Variants in STAM2 observed in about 807,000 individuals in gnomAD.
STAM2 encodes the protein signal transducing adapter molecule 2.
In STAM2, 51 loss-of-function variants were observed where a neutral mutation model predicts 65.6. The ratio of observed to expected loss-of-function variants is 0.78; its 90% CI spans 0.62 to 0.98. The LOEUF (loss-of-function observed/expected upper bound fraction) is 0.98. Ranked by LOEUF, STAM2 falls within the 50% of genes least tolerant of loss-of-function variation. The pLI, the probability that STAM2 is intolerant of heterozygous loss-of-function variation, is 0.00. For missense variants in STAM2, 584 were observed against 617.8 expected, an observed-to-expected ratio of 0.95 and a Z score of 0.58; for synonymous variants, 198 against 208.4, an observed-to-expected ratio of 0.95 and a Z score of 0.43.
chr2:152,150,890 G>C (rs1054728109), intron 1 of STAM2, among the ~76,000 whole-genome samples: 3 of 152,068 alleles, frequency 2.0e-5, no homozygotes, highest in African/African-American at 7.2e-5. Flanking sequence ...TTTTTTAATA[G>C]ATAAGGGGTC....
chr2:152,140,905 C>T (rs35155943), intron 7 of STAM2, among the ~76,000 whole-genome samples: 29,765 of 149,174 alleles, frequency 0.2, 3,319 homozygotes, highest in Admixed American at 0.3. Context: ...GAGGCTGAGG[C>T]GGGTGGATCA....
intron 1 of STAM2, among the ~76,000 whole-genome samples, chr2:152,152,422 G>A (rs78179867): frequency 0.37 from 56,106 of 151,740 alleles, 12,597 homozygotes; most frequent in Non-Finnish European, 0.51. Flanking sequence ...GGTGGCAGGC[G>A]CCTGTAGTCC....
chr2:152,159,110 T>TATAC (rs575009275), intron 1 of STAM2, among the ~76,000 whole-genome samples: 3 of 129,184 alleles, frequency 2.3e-5, no homozygotes, highest in East Asian at 3.1e-4. Flanking sequence ...TATATATATA[T>TATAC]ACACACACAG....
At chr2:152,161,054 A>G (rs535387129) in intron 1 of STAM2, among the ~76,000 whole-genome samples, 1 of 152,260 alleles carries the variant, frequency 6.6e-6, no homozygotes, top group South Asian at 2.1e-4. Context: ...GTGGAATAGA[A>G]GGGGGGGAAA....
chr2:152,135,400 G>T, intron 8 of STAM2, 109 bp downstream of exon 8: 1 of 771,296 alleles, frequency 1.3e-6, no homozygotes. Flanking sequence ...ATAAAGAAAT[G>T]ATTTAAAACA....
chr2:152,158,419 T>C (rs868327212), intron 1 of STAM2, among the ~76,000 whole-genome samples: 1 of 151,924 alleles, frequency 6.6e-6, no homozygotes, highest in Non-Finnish European at 1.5e-5. Context: ...GAGGTTGCAG[T>C]GAGCCAAGAT....
intron 12 of STAM2, among the ~76,000 whole-genome samples, chr2:152,124,939 A>G (rs1196170738): frequency 1.3e-5 from 2 of 152,238 alleles, no homozygotes; most frequent in East Asian, 1.9e-4. Flanking sequence ...AAACTTTTGA[A>G]TATTTCAAAT....
intron 1 of STAM2, among the ~76,000 whole-genome samples, chr2:152,165,080 G>T (rs538598991): frequency 7.2e-5 from 11 of 152,166 alleles, no homozygotes; most frequent in Admixed American, 6.5e-4. Context: ...CATTGTAATA[G>T]GCCTATTAGG....
intron 1 of STAM2, among the ~76,000 whole-genome samples, chr2:152,171,854 A>G (rs1689903858): frequency 6.6e-6 from 1 of 152,264 alleles, no homozygotes; most frequent in African/African-American, 2.4e-5. Context: ...ACAGAGGCAG[A>G]AAACTGGCAA....
rs546488304 is a variant in STAM2 at position 152,119,953 on chromosome 2, G to A, written c.*621C>T. ...TAATTATTATTCAACATAACAGTGA[G>A]AGCAAAAGTGACAATACTGCAAACA... is the stretch of plus-strand genomic sequence containing the variant. On this transcript the variant is annotated 3_prime_UTR_variant, in exon 14 of 14. Coordinates refer to ENST00000263904, the MANE Select transcript of STAM2 (RefSeq NM_005843.6). 6.8e-4 allele frequency: 104 copies of A among 152,808 alleles called. No individual in the cohort carries two copies. Among genetic ancestry groups the A allele is most frequent in the Non-Finnish European group, 1.1e-3 (77 of 68,186 alleles). The allele number at this position is 152,808 out of a possible 1,614,324, so 9.5% of individuals were successfully genotyped here. A position where few individuals can be genotyped will look rare whatever the true frequency, so the allele number is the denominator to read the frequency against.
chr2:152,126,013 C>T (rs992060636), intron 12 of STAM2: 1 of 397,826 alleles, frequency 2.5e-6, no homozygotes, highest in Non-Finnish European at 4.4e-6. Context: ...CATGTTAAAA[C>T]TGAACTAAAA....
At chr2:152,160,773 G>A (rs1027191912) in intron 1 of STAM2, among the ~76,000 whole-genome samples, 12 of 150,004 alleles carry the variant, frequency 8.0e-5, no homozygotes, top group Admixed American at 3.3e-4. Context: ...CGCCCCTACC[G>A]GGAAGTGAGG....
intron 13 of STAM2, among the ~76,000 whole-genome samples, chr2:152,122,135 C>A (rs567736271): frequency 6.6e-6 from 1 of 150,398 alleles, no homozygotes. Flanking sequence ...CTATGCCCAG[C>A]GGTTTTAGGG....
intron 2 of STAM2, among the ~76,000 whole-genome samples, chr2:152,149,668 T>A (rs1454117247): frequency 1.3e-5 from 2 of 152,066 alleles, no homozygotes; most frequent in Non-Finnish European, 2.9e-5. Context: ...CAGCTAAGTT[T>A]TGTATTTCTA....
At chr2:152,147,018 C>G (rs1369941921) in intron 5 of STAM2, 144 bp downstream of exon 5, 1 of 683,196 alleles carries the variant, frequency 1.5e-6, no homozygotes, top group African/African-American at 1.8e-5. Flanking sequence ...GTCTACTAAA[C>G]GTAAGGAAGG....
intron 1 of STAM2, among the ~76,000 whole-genome samples, chr2:152,154,108 GA>G (rs1172114915): frequency 6.6e-6 from 1 of 152,256 alleles, no homozygotes; most frequent in Non-Finnish European, 1.5e-5. Flanking sequence ...TGTTAATAGT[GA>G]ACCCCAGAAG....
chr2:152,135,464 G>A, intron 8 of STAM2, 45 bp downstream of exon 8: 1 of 1,380,944 alleles, frequency 7.2e-7, no homozygotes, highest in Non-Finnish European at 1.0e-6. Context: ...AAATTTAAGT[G>A]AAAAAAACTT....
intron 2 of STAM2, among the ~76,000 whole-genome samples, chr2:152,148,535 T>C (rs1689378663): frequency 6.6e-6 from 1 of 152,132 alleles, no homozygotes; most frequent in Admixed American, 6.5e-5. Flanking sequence ...CTGGGCATGG[T>C]GGCATGTGTC....
intron 2 of STAM2, among the ~76,000 whole-genome samples, chr2:152,149,536 C>A (rs375976140): frequency 6.7e-6 from 1 of 149,358 alleles, no homozygotes. Flanking sequence ...CTCGCTCTAC[C>A]GTCCAGGCTG....
Sources: gnomAD v4.1 joint callset for allele counts (sites outside exome capture counted in the v4.1 genomes callset) on GRCh38, gnomAD v4.1.1 for gene constraint, MANE v1.5 for transcripts, NCBI Gene and HGNC (gene_info 2026-07-23, HGNC 2026-07-21) for gene names.